The following NPSR1 variants were observed in gnomAD, a reference collection of about 807,000 sequenced individuals.
The protein encoded by NPSR1 is neuropeptide S receptor.
NPSR1 carries 48 observed loss-of-function variants against 46.9 expected under a neutral mutation model. That is an observed-to-expected ratio of 1.02 (90% CI 0.81 to 1.30). The LOEUF (loss-of-function observed/expected upper bound fraction) is 1.30. NPSR1 is among the 50% of genes most tolerant of loss of function. The probability of loss-of-function intolerance (pLI) is 0.00; values close to 1 mark genes in which losing one functional copy is unlikely to be tolerated. For synonymous variants in NPSR1, 176 were observed against 168.1 expected, an observed-to-expected ratio of 1.05 and a Z score of -0.36; for missense variants, 450 against 449.5, an observed-to-expected ratio of 1.00 and a Z score of -0.01.
intron 2 of NPSR1, among the ~76,000 whole-genome samples, chr7:34,776,688 G>C (rs1786973927): frequency 6.6e-6 from 1 of 152,112 alleles, no homozygotes. Context: ...ACTTTTGATT[G>C]GCAAGTCTCA....
intron 2 of NPSR1, among the ~76,000 whole-genome samples, chr7:34,768,858 C>T (rs781085722): frequency 5.3e-5 from 8 of 152,052 alleles, no homozygotes; most frequent in African/African-American, 7.2e-5. Context: ...AAGGAGGATG[C>T]GGTGACTGAG....
intron 4 of NPSR1, among the ~76,000 whole-genome samples, chr7:34,812,756 C>T (rs182238704): frequency 6.6e-6 from 1 of 152,292 alleles, no homozygotes; most frequent in East Asian, 1.9e-4. Flanking sequence ...TCCCTTCCTC[C>T]AGATAACTTC....
chr7:34,774,673 T>TGTATCTTTCC (rs1786863946), intron 2 of NPSR1, among the ~76,000 whole-genome samples: 2 of 152,160 alleles, frequency 1.3e-5, no homozygotes, highest in Non-Finnish European at 2.9e-5. Context: ...ATCCATCAAC[T>TGTATCTTTCC]CCAAACTGTA....
chr7:34,751,887 C>A (rs769473868), intron 2 of NPSR1: 23 of 1,534,198 alleles, frequency 1.5e-5, no homozygotes, highest in Admixed American at 6.8e-5. Flanking sequence ...GTGGACAAAG[C>A]CTTTCGGGAC....
chr7:34,872,722 G>A (rs909331101), intron 8 of NPSR1, among the ~76,000 whole-genome samples: 4 of 151,634 alleles, frequency 2.6e-5, no homozygotes, highest in African/African-American at 2.4e-5. Context: ...TTTATAAAAC[G>A]ATCAGGTCTC....
At chr7:34,793,110 T>G (rs991178283) in intron 3 of NPSR1, among the ~76,000 whole-genome samples, 2 of 151,754 alleles carry the variant, frequency 1.3e-5, no homozygotes, top group African/African-American at 4.8e-5. Context: ...GAGGATTGCT[T>G]GAGCCCAGGA....
At chr7:34,727,915 A>C (rs1323410689) in intron 2 of NPSR1, among the ~76,000 whole-genome samples, 1 of 152,148 alleles carries the variant, frequency 6.6e-6, no homozygotes, top group African/African-American at 2.4e-5. Flanking sequence ...AGTGGAGGAA[A>C]TGATTTTTTA....
At chr7:34,728,408 A>G (rs2128712302) in intron 2 of NPSR1, among the ~76,000 whole-genome samples, 1 of 152,348 alleles carries the variant, frequency 6.6e-6, no homozygotes, top group South Asian at 2.1e-4. Context: ...GCACGCTGGC[A>G]GAGCCAGTTC....
chr7:34,700,232 G>A (rs1439336055), intron 2 of NPSR1, among the ~76,000 whole-genome samples: 1 of 152,162 alleles, frequency 6.6e-6, no homozygotes, highest in East Asian at 1.9e-4. Context: ...TGGAAGGAAG[G>A]AAGGAAGGAA....
At chr7:34,830,032 G>T (rs532565745) in intron 5 of NPSR1, among the ~76,000 whole-genome samples, 7 of 152,248 alleles carry the variant, frequency 4.6e-5, no homozygotes, top group African/African-American at 1.7e-4. Flanking sequence ...TCTCTCTTGG[G>T]GACTAACATC....
chr7:34,697,329 T>C (rs907560434), intron 2 of NPSR1, among the ~76,000 whole-genome samples: 1 of 151,762 alleles, frequency 6.6e-6, no homozygotes, highest in African/African-American at 2.4e-5. Context: ...GTCAAGGAGG[T>C]GTGTTAAAAT....
chr7:34,717,426 C>A (rs544308626), intron 2 of NPSR1, among the ~76,000 whole-genome samples: 1 of 152,198 alleles, frequency 6.6e-6, no homozygotes, highest in South Asian at 2.1e-4. Flanking sequence ...CCACTGCGCC[C>A]GGCCACATAA....
chr7:34,736,757 C>T (rs1196875747), intron 2 of NPSR1, among the ~76,000 whole-genome samples: 1 of 152,062 alleles, frequency 6.6e-6, no homozygotes, highest in African/African-American at 2.4e-5. Flanking sequence ...TGCAGTACCA[C>T]AATCAGCTCA....
intron 2 of NPSR1, among the ~76,000 whole-genome samples, chr7:34,763,308 G>T (rs1163164877): frequency 6.6e-6 from 1 of 152,086 alleles, no homozygotes; most frequent in East Asian, 1.9e-4. Context: ...TGAACGAGAT[G>T]ATTAATGTGG....
intron 1 of NPSR1, among the ~76,000 whole-genome samples, chr7:34,671,939 C>T (rs1176800646): frequency 6.6e-6 from 1 of 152,146 alleles, no homozygotes; most frequent in Non-Finnish European, 1.5e-5. Flanking sequence ...TTTTTATTAG[C>T]ACCTCCAGAA....
At chr7:34,834,258 G>T in intron 5 of NPSR1, 126 bp from the exon 6 acceptor site, 1 of 720,760 alleles carries the variant, frequency 1.4e-6, no homozygotes, top group Admixed American at 2.0e-5. Context: ...AGTATAAGGG[G>T]GCAGGCATGG....
At chr7:34,710,911 A>G in intron 2 of NPSR1, 2 of 401,408 alleles carry the variant, frequency 5.0e-6, no homozygotes, top group Non-Finnish European at 9.5e-6. Context: ...TATTGATGAA[A>G]AAGTGAAACA....
intron 2 of NPSR1, among the ~76,000 whole-genome samples, chr7:34,767,970 TAAC>T (rs1269438110): frequency 6.6e-6 from 1 of 152,104 alleles, no homozygotes; most frequent in Non-Finnish European, 1.5e-5. Flanking sequence ...TTACTATAGT[TAAC>T]AATAATATAT....
rs193020993 is a variant in NPSR1 at position 34,677,191 on chromosome 7, T to C, written c.148-7361T>C. On this transcript the variant is annotated intron_variant, in intron 1 of 8. Transcript: ENST00000360581. ...AGACTGGATCCCTTGGCTCGGATTG[T>C]ACTCTACAAAGATGAAGAAGGCAGC... 1.7e-4 allele frequency among the ~76,000 whole-genome samples: 26 copies of C among 152,330 alleles called. No individual in the cohort carries two copies. The East Asian group carries it at 4.8e-3, about 28-fold the overall frequency.
Sources: allele counts gnomAD v4.1 joint callset (sites outside exome capture counted in the v4.1 genomes callset), GRCh38; gene constraint gnomAD v4.1.1; transcripts MANE v1.5; gene names NCBI Gene and HGNC (gene_info 2026-07-23, HGNC 2026-07-21).